The following UGT8 variants were observed in gnomAD, a reference collection of about 807,000 sequenced individuals.
UGT8 encodes 2-hydroxyacylsphingosine 1-beta-galactosyltransferase.
UGT8 carries 12 observed loss-of-function variants against 40.5 expected under a neutral mutation model. The ratio of observed to expected loss-of-function variants is 0.30; its 90% CI spans 0.19 to 0.48. The LOEUF (loss-of-function observed/expected upper bound fraction) is 0.48. UGT8 is among the 20% of genes least tolerant of loss of function. The pLI is 0.99. For synonymous variants in UGT8, 224 were observed against 240.4 expected (o/e 0.93, Z 0.63); for missense variants, 513 against 648.7 (o/e 0.79, Z 2.27).
chr4:114,645,070 T>C (rs574735555), intron 2 of UGT8, among the ~76,000 whole-genome samples: 34 of 152,224 alleles, frequency 2.2e-4, no homozygotes, highest in African/African-American at 7.7e-4. Flanking sequence ...TCTTCAAGGT[T>C]TGGAAAATAT....
chr4:114,639,773 A>C (rs1733096678), intron 2 of UGT8, among the ~76,000 whole-genome samples: 2 of 152,230 alleles, frequency 1.3e-5, no homozygotes, highest in Admixed American at 1.3e-4. Context: ...AACAATAAAC[A>C]AAATAAATTG....
At chr4:114,664,636 A>G (rs1355888109) in intron 3 of UGT8, among the ~76,000 whole-genome samples, 1 of 152,188 alleles carries the variant, frequency 6.6e-6, no homozygotes, top group African/African-American at 2.4e-5. Context: ...TAAAAACACA[A>G]TCACGTACCA....
chr4:114,617,857 A>G (rs1317392458), intron 1 of UGT8, among the ~76,000 whole-genome samples: 1 of 152,226 alleles, frequency 6.6e-6, no homozygotes, highest in Non-Finnish European at 1.5e-5. Flanking sequence ...CTCCAAAGGA[A>G]GGATGAGAGT....
At chr4:114,649,015 C>T (rs1360205354) in intron 2 of UGT8, among the ~76,000 whole-genome samples, 2 of 152,120 alleles carry the variant, frequency 1.3e-5, no homozygotes, top group Non-Finnish European at 2.9e-5. Context: ...TAATATCTTT[C>T]TTCAGTTTCT....
rs1352977065 is a variant in UGT8, at chr4:114,623,698, C to T, written c.818C>T (p.Pro273Leu). The change falls in exon 2 of 6, where the codon CCA becomes CTA. Residue 273 changes from proline to leucine, a missense_variant. Transcript: ENST00000310836. Reference protein sequence around the residue: ...GILTKPASPLPEDLQRWVNGA... With the variant: ...GILTKPASPLLEDLQRWVNGA... ...CTAACCAAACCAGCCAGCCCACTAC[C>T]AGAAGTAAGGTTTGCCGAATTCCTT... 8.2e-6 allele frequency: 13 copies of T among 1,586,082 alleles called. No homozygotes were observed. The highest frequency in any genetic ancestry group is 1.1e-5 in the Non-Finnish European group (13 of 1,161,842).
chr4:114,654,302 T>A (rs551292746), intron 2 of UGT8, among the ~76,000 whole-genome samples: 1 of 152,142 alleles, frequency 6.6e-6, no homozygotes, highest in South Asian at 2.1e-4. Flanking sequence ...AAAAAAATGT[T>A]AGGGACCTCA....
intron 2 of UGT8, chr4:114,663,618 T>C: frequency 9.9e-6 from 9 of 909,738 alleles, no homozygotes; most frequent in Non-Finnish European, 1.2e-5. Context: ...TTTTTGCCAG[T>C]ATGATTGATT....
Position 114,676,282 on chromosome 4 carries a change from G to C in UGT8, c.1620G>C (p.Val540=). 6.3e-7 allele frequency: 1 copy of C among 1,579,616 alleles called. No individual in the cohort carries two copies. Among genetic ancestry groups the C allele is most frequent in the Non-Finnish European group, 8.6e-7 (1 of 1,164,004 alleles). ...RNGHIKHEKK[V]K is the part of the protein sequence containing the mutation. ...GCCATATTAAACATGAAAAGAAAGT[G>C]AAATGAGCCAACAGCCCAGGTGATA... The change falls in exon 6 of 6, where the codon GTG becomes GTC. Residue 540 remains valine (V), a synonymous_variant. Transcript: ENST00000310836.
In UGT8 at chr4:114,676,085, C is replaced by T. The variant is rs535480025; in HGVS notation, c.1423C>T (p.Leu475=). ...HQISFCQYFL[L]DIAFVLLLGA... ...GATCTCCTTTTGTCAGTATTTTTTACTGGATATTGCCTTTGTGCTTTTGCT... is the reference window on the plus strand; with the variant it reads ...GATCTCCTTTTGTCAGTATTTTTTATTGGATATTGCCTTTGTGCTTTTGCT... Residue 475 remains leucine (L), a synonymous_variant, in exon 6 of 6, where the codon CTG becomes TTG. Coordinates refer to ENST00000310836, the MANE Select transcript of UGT8 (RefSeq NM_001128174.3). 27 of 1,614,200 alleles carry T rather than the reference C, an allele frequency of 1.7e-5. No individual in the cohort carries two copies. In the South Asian group the frequency reaches 2.9e-4, roughly 17 times the overall value.
At chr4:114,654,648 T>C (rs575731740) in intron 2 of UGT8, among the ~76,000 whole-genome samples, 29 of 152,100 alleles carry the variant, frequency 1.9e-4, no homozygotes, top group Non-Finnish European at 3.4e-4. Context: ...TCCCTTGTCT[T>C]CATGTTGCCT....
At chr4:114,669,036 A>T (rs1453784857) in intron 5 of UGT8, among the ~76,000 whole-genome samples, 1 of 152,182 alleles carries the variant, frequency 6.6e-6, no homozygotes, top group African/African-American at 2.4e-5. Context: ...GAAGCGTATA[A>T]GCTTTTTCTT....
At chr4:114,610,721 C>A (rs544432869) in intron 1 of UGT8, among the ~76,000 whole-genome samples, 4 of 152,190 alleles carry the variant, frequency 2.6e-5, no homozygotes, top group South Asian at 2.1e-4. Context: ...CCTGTGAAGA[C>A]CTTCAAGGAA....
At chr4:114,614,860 T>G (rs1021914231) in intron 1 of UGT8, among the ~76,000 whole-genome samples, 180 of 100,694 alleles carry the variant, frequency 1.8e-3, no homozygotes, top group African/African-American at 5.6e-3. Context: ...TTTTTTTTTT[T>G]GGGCAGGTGG....
At chr4:114,615,272 A>G (rs1731335280) in intron 1 of UGT8, among the ~76,000 whole-genome samples, 1 of 152,064 alleles carries the variant, frequency 6.6e-6, no homozygotes, top group African/African-American at 2.4e-5. Flanking sequence ...TGTGATCTCA[A>G]TATGAAATGA....
chr4:114,634,238 T>C (rs1732753511), intron 2 of UGT8, among the ~76,000 whole-genome samples: 2 of 152,154 alleles, frequency 1.3e-5, no homozygotes, highest in Admixed American at 6.5e-5. Context: ...GAAAATACAT[T>C]GTTTAGTTGG....
In UGT8 at chr4:114,623,586, G is replaced by A; in HGVS notation, c.706G>A (p.Gly236Arg). Residue 236 changes from glycine (G) to arginine (R), a missense_variant, in exon 2 of 6, where the codon GGG becomes AGG. Gly to Arg is a moderately radical substitution (Grantham distance 125, BLOSUM62 -2). Transcript: ENST00000310836. ...PEKSMYDLVHGSSLWMLCTDV... is the reference protein window; with the variant it reads ...PEKSMYDLVHRSSLWMLCTDV... The stretch of plus-strand genomic sequence containing the variant: ...GAAGTCCATGTATGATTTGGTTCAT[G>A]GGTCCAGCCTGTGGATGCTGTGTAC... 1 of 1,614,100 alleles carries A rather than the reference G, an allele frequency of 6.2e-7. No homozygotes were observed. The highest frequency in any genetic ancestry group is 2.2e-5 in the East Asian group (1 of 44,862).
At chr4:114,602,972 A>G (rs529376603) in intron 1 of UGT8, among the ~76,000 whole-genome samples, 29 of 152,264 alleles carry the variant, frequency 1.9e-4, no homozygotes, top group Non-Finnish European at 3.8e-4. Context: ...TGAGATTTGG[A>G]TGGTAGTTTA....
chr4:114,625,914 G>A (rs913425033), intron 2 of UGT8, among the ~76,000 whole-genome samples: 1 of 152,164 alleles, frequency 6.6e-6, no homozygotes, highest in African/African-American at 2.4e-5. Flanking sequence ...TGGGCTATTT[G>A]TAGTGGTTCT....
At chr4:114,664,894 TAG>T (rs1424941437) in intron 3 of UGT8, among the ~76,000 whole-genome samples, 2 of 152,192 alleles carry the variant, frequency 1.3e-5, no homozygotes, top group Non-Finnish European at 2.9e-5. Context: ...CTTTGAGTAA[TAG>T]AGATTTTCCC....
Sources: gnomAD v4.1 joint callset for allele counts (sites outside exome capture counted in the v4.1 genomes callset) on GRCh38, gnomAD v4.1.1 for gene constraint, MANE v1.5 for transcripts, NCBI Gene and HGNC (gene_info 2026-07-23, HGNC 2026-07-21) for gene names.